Variants in KDM4B observed in about 807,000 individuals in gnomAD.
KDM4B encodes lysine-specific demethylase 4B.
A neutral mutation model predicts 125.2 loss-of-function variants in KDM4B; 32 were observed. The observed-to-expected ratio is 0.26, with a 90% CI of 0.19 to 0.34. The LOEUF (loss-of-function observed/expected upper bound fraction) is 0.34, where lower values mean the gene tolerates loss of function less well. Among genes scored for constraint, KDM4B ranks in the 10% least tolerant of loss-of-function variants. The pLI is 1.00. For synonymous variants in KDM4B, 721 were observed against 677.9 expected, an observed-to-expected ratio of 1.06 and a Z score of -0.99; for missense variants, 1,190 against 1,577.7, an observed-to-expected ratio of 0.75 and a Z score of 4.16.
intron 11 of KDM4B, among the ~76,000 whole-genome samples, chr19:5,124,776 A>G (rs2146034644): frequency 6.6e-6 from 1 of 152,126 alleles, no homozygotes; most frequent in African/African-American, 2.4e-5. Flanking sequence ...TTGTATTTTT[A>G]GTACAGACAG....
Position 5,082,351 on chromosome 19 carries a change from T to C in KDM4B, c.781-16T>C, listed in dbSNP as rs2145871535. On this transcript the variant is annotated splice_polypyrimidine_tract_variant and intron_variant, in intron 8 of 22. Coordinates refer to ENST00000159111, the MANE Select transcript of KDM4B (RefSeq NM_015015.3). The surrounding 1 kb of genome is among the most constrained non-coding windows in gnomAD (Gnocchi z 5.4). ...TCTGGTGGCCCTGCCCTCACCTGTC[T>C]CCTTTCCCTCTGCAGATCACGCAGG... The C allele has an allele frequency of 6.2e-7, 1 of 1,613,308 alleles. No individual in the cohort carries two copies.
intron 1 of KDM4B, among the ~76,000 whole-genome samples, chr19:4,984,777 C>T (rs895484456): frequency 1.4e-4 from 21 of 152,290 alleles, no homozygotes; most frequent in Middle Eastern, 3.4e-3. Context: ...TCCCCTGGCT[C>T]GGACAGAGGT....
chr19:5,132,489 G>C (rs1314946453), intron 13 of KDM4B, among the ~76,000 whole-genome samples: 1 of 152,128 alleles, frequency 6.6e-6, no homozygotes, highest in African/African-American at 2.4e-5. Context: ...GATGCATGTA[G>C]AATCTGAAAA....
intron 9 of KDM4B, among the ~76,000 whole-genome samples, chr19:5,100,629 G>A (rs539938878): frequency 2.0e-5 from 3 of 152,164 alleles, no homozygotes; most frequent in African/African-American, 7.2e-5. Flanking sequence ...ATGTTGCCCA[G>A]GCTAGTCTTG....
At chr19:5,003,548 C>T (rs2035459429) in intron 1 of KDM4B, among the ~76,000 whole-genome samples, 1 of 152,000 alleles carries the variant, frequency 6.6e-6, no homozygotes, top group Non-Finnish European at 1.5e-5. Context: ...GTGGCTCACA[C>T]CTGTAATCCT....
At chr19:5,043,159 C>T (rs1170007862) in intron 5 of KDM4B, among the ~76,000 whole-genome samples, 1 of 150,428 alleles carries the variant, frequency 6.6e-6, no homozygotes, top group Non-Finnish European at 1.5e-5. Context: ...TGGTGTTTAT[C>T]GGAGTGGGGG....
chr19:4,979,176 G>A (rs554583451), intron 1 of KDM4B, among the ~76,000 whole-genome samples: 24 of 152,262 alleles, frequency 1.6e-4, no homozygotes, highest in African/African-American at 5.5e-4. Context: ...CCAGCTACTC[G>A]GGAGGCTGAG....
At chr19:5,066,523 C>G (rs1333053192) in intron 6 of KDM4B, among the ~76,000 whole-genome samples, 2 of 152,232 alleles carry the variant, frequency 1.3e-5, no homozygotes, top group Non-Finnish European at 1.5e-5. Flanking sequence ...TGTCTTGTGT[C>G]CCCAACTCCA....
chr19:5,086,450 C>T lies in KDM4B; in HGVS notation c.918+3946C>T, dbSNP rs181067663. On this transcript the variant is annotated intron_variant, in intron 9 of 22. Coordinates refer to ENST00000159111, the MANE Select transcript of KDM4B (RefSeq NM_015015.3). ...TGTGACAGCCGGACGAAACTGAAAT[C>T]TCACCCACAAATGAGCAGCCTGTGC... is the stretch of plus-strand genomic sequence containing the variant. 2.0e-4 allele frequency among the ~76,000 whole-genome samples: 30 copies of T among 152,338 alleles called. No homozygotes were observed. The South Asian group carries it at 6.2e-3, about 32-fold the overall frequency.
At chr19:5,073,076 C>T (rs1459231689) in intron 7 of KDM4B, among the ~76,000 whole-genome samples, 1 of 152,226 alleles carries the variant, frequency 6.6e-6, no homozygotes, top group Non-Finnish European at 1.5e-5. Flanking sequence ...CCCGGATAGC[C>T]AGGGTGCTCC....
At chr19:5,056,861 G>A (rs971724259) in intron 6 of KDM4B, among the ~76,000 whole-genome samples, 4 of 149,412 alleles carry the variant, frequency 2.7e-5, no homozygotes, top group Non-Finnish European at 4.5e-5. Flanking sequence ...ACCCTGGGGC[G>A]GGGAGTCCTG....
At chr19:5,019,940 GCA>G (rs780594839) in intron 2 of KDM4B, among the ~76,000 whole-genome samples, 33 of 146,408 alleles carry the variant, frequency 2.3e-4, no homozygotes, top group Admixed American at 4.8e-4. Flanking sequence ...GTGTTGGTGT[GCA>G]GGTGTTAGTG....
intron 1 of KDM4B, among the ~76,000 whole-genome samples, chr19:4,983,135 CT>C (rs76958173): frequency 2.8e-3 from 371 of 130,572 alleles, no homozygotes; most frequent in Admixed American, 3.2e-3. Flanking sequence ...TTTTTCTTTT[CT>C]TTTTTTTTTT....
chr19:5,091,174 G>C (rs943701535), intron 9 of KDM4B, among the ~76,000 whole-genome samples: 3 of 152,250 alleles, frequency 2.0e-5, no homozygotes, highest in African/African-American at 7.2e-5. Flanking sequence ...CCCGAGGTGG[G>C]TGGTGCCTGG....
intron 1 of KDM4B, among the ~76,000 whole-genome samples, chr19:4,994,555 C>A: frequency 8.3e-6 from 1 of 120,216 alleles, no homozygotes; most frequent in Non-Finnish European, 1.6e-5. Flanking sequence ...AAGAGTGAAA[C>A]TCTGTCTCTC....
Position 5,147,525 on chromosome 19 carries a change from G to A in KDM4B, c.3021+2623G>A, listed in dbSNP as rs578064701. On this transcript the variant is annotated intron_variant, in intron 21 of 22. Transcript: ENST00000159111. ...TGTGGGAGGCTGAGGTGGGCAGAGCGCTTGAGCACAGGGGTTCGAGACCAG... is the reference window on the plus strand; with the variant it reads ...TGTGGGAGGCTGAGGTGGGCAGAGCACTTGAGCACAGGGGTTCGAGACCAG... Among the ~76,000 whole-genome samples the A allele has an allele frequency of 6.6e-5, 10 of 152,116 alleles. No homozygotes were observed. The South Asian group carries it at 1.9e-3, about 28-fold the overall frequency.
chr19:5,109,638 C>T (rs993804909), intron 9 of KDM4B, among the ~76,000 whole-genome samples: 7 of 152,200 alleles, frequency 4.6e-5, no homozygotes, highest in African/African-American at 7.2e-5. Context: ...GCACATGGCA[C>T]GTTAATGTCC....
chr19:5,129,087 G>C (rs1324841441), intron 11 of KDM4B, among the ~76,000 whole-genome samples: 4 of 152,214 alleles, frequency 2.6e-5, no homozygotes, highest in African/African-American at 9.6e-5. Context: ...CTGCTCGCCT[G>C]TCCTTCTTGA....
chr19:4,978,095 G>C (rs1247083742), intron 1 of KDM4B, among the ~76,000 whole-genome samples: 1 of 152,148 alleles, frequency 6.6e-6, no homozygotes, highest in Non-Finnish European at 1.5e-5. Flanking sequence ...GCCGTCCCTA[G>C]CATGCACTTG....
Sources: gnomAD v4.1 joint callset for allele counts (sites outside exome capture counted in the v4.1 genomes callset) on GRCh38, gnomAD v4.1.1 for gene constraint, Gnocchi (gnomAD v3.1) non-coding constraint, MANE v1.5 for transcripts, NCBI Gene and HGNC (gene_info 2026-07-23, HGNC 2026-07-21) for gene names.